Variants in NT5DC1 observed in about 807,000 individuals in gnomAD.
The protein encoded by NT5DC1 is 5'-nucleotidase domain containing 1.
NT5DC1 carries 42 observed loss-of-function variants against 59.4 expected under a neutral mutation model. The ratio of observed to expected loss-of-function variants is 0.71; its 90% confidence interval spans 0.55 to 0.92. The LOEUF is 0.92. Ranked by LOEUF, NT5DC1 falls within the 40% of genes least tolerant of loss-of-function variation. The pLI, the probability that NT5DC1 is intolerant of heterozygous loss-of-function variation, is 0.00. For synonymous variants in NT5DC1, 172 were observed against 188.1 expected, an observed-to-expected ratio of 0.91 and a Z score of 0.70; for missense variants, 501 against 537.1, an observed-to-expected ratio of 0.93 and a Z score of 0.66.
intron 3 of NT5DC1, among the ~76,000 whole-genome samples, chr6:116,108,974 A>T (rs1778814648): frequency 6.6e-6 from 1 of 152,134 alleles, no homozygotes; most frequent in African/African-American, 2.4e-5. Flanking sequence ...CCCACACTCC[A>T]GGCTGACTTT....
At chr6:116,172,510 C>T (rs1780633939) in intron 6 of NT5DC1, among the ~76,000 whole-genome samples, 1 of 151,774 alleles carries the variant, frequency 6.6e-6, no homozygotes, top group Non-Finnish European at 1.5e-5. Context: ...TGAGTAGAGA[C>T]AGGGTTTCAC....
rs530747402 is a variant in NT5DC1, at chr6:116,110,797, A to G, written c.258-53A>G. The G allele has an allele frequency of 3.5e-4, 414 of 1,191,932 alleles. 7 individuals carry two copies. The South Asian group carries it at 4.6e-3, about 13-fold the overall frequency. The allele number at this position is 1,191,932 out of a possible 1,614,324, so 73.8% of individuals were successfully genotyped here. On this transcript the variant is annotated intron_variant, in intron 3 of 11. Transcript: ENST00000319550. Reference sequence around the variant, plus strand: ...GATCAACAGTCACAATGATAGAGGAAGGGGCATTCAAGGAACCATTAATGA... The same window carrying G: ...GATCAACAGTCACAATGATAGAGGAGGGGGCATTCAAGGAACCATTAATGA...
chr6:116,129,947 A>G (rs1009192389), intron 6 of NT5DC1, among the ~76,000 whole-genome samples: 2 of 152,182 alleles, frequency 1.3e-5, no homozygotes, highest in African/African-American at 4.8e-5. Flanking sequence ...CAGCACACAC[A>G]AATACATTTT....
In NT5DC1 at chr6:116,120,767, G is replaced by T. The variant is rs374996283; in HGVS notation, c.529+2822G>T. 4.1e-5 allele frequency: 66 copies of T among 1,612,686 alleles called. No homozygotes were observed. Among genetic ancestry groups the T allele is most frequent in the Non-Finnish European group, 5.2e-5 (61 of 1,179,586 alleles). On this transcript the variant is annotated intron_variant, in intron 6 of 11. Transcript: ENST00000319550. ...GCCTGGTGGCCCAATAGGGCCTCTA[G>T]TACCTGGTATTCCAGGGGCACCTCT...
chr6:116,152,057 C>T (rs1386671403), intron 6 of NT5DC1, among the ~76,000 whole-genome samples: 4 of 152,154 alleles, frequency 2.6e-5, no homozygotes, highest in South Asian at 2.1e-4. Context: ...TACATTCTTC[C>T]TTACAAAGCA....
At chr6:116,118,055 T>C in intron 6 of NT5DC1, 110 bp downstream of exon 6, 1 of 714,490 alleles carries the variant, frequency 1.4e-6, no homozygotes, top group South Asian at 1.6e-5. Flanking sequence ...AGGATTTAAT[T>C]TAAGCTTAAA....
In NT5DC1 at chr6:116,213,058, T is replaced by G. The variant is rs1280788270; in HGVS notation, c.530-7996T>G. 2.6e-5 allele frequency among the ~76,000 whole-genome samples: 4 copies of G among 152,142 alleles called. No individual in the cohort carries two copies. In the East Asian group the frequency reaches 7.7e-4, roughly 29 times the overall value. On this transcript the variant is annotated intron_variant, in intron 6 of 11. Coordinates refer to ENST00000319550, the MANE Select transcript of NT5DC1 (RefSeq NM_152729.3). ...TCTTGAATTGCATAGAGATAATAAT[T>G]AAAATTGGGACTTTATTCCAAAGCA...
intron 6 of NT5DC1, among the ~76,000 whole-genome samples, chr6:116,157,925 C>T (rs537238133): frequency 2.6e-5 from 4 of 152,280 alleles, no homozygotes; most frequent in South Asian, 2.1e-4. Flanking sequence ...ATGTCTCAAA[C>T]GTGTTACAGG....
chr6:116,241,828 C>CAGG (rs1332142745), intron 11 of NT5DC1, among the ~76,000 whole-genome samples: 1 of 147,916 alleles, frequency 6.8e-6, no homozygotes, highest in Non-Finnish European at 1.5e-5. Context: ...GAGGCCGAGG[C>CAGG]AGGAGAATGG....
At chr6:116,210,582 T>A (rs1008427706) in intron 6 of NT5DC1, among the ~76,000 whole-genome samples, 1 of 151,960 alleles carries the variant, frequency 6.6e-6, no homozygotes, top group Admixed American at 6.6e-5. Flanking sequence ...ATAGGACCTG[T>A]TCCTGGGGTC....
chr6:116,150,735 A>T (rs192879249), intron 6 of NT5DC1, among the ~76,000 whole-genome samples: 2 of 152,180 alleles, frequency 1.3e-5, no homozygotes, highest in African/African-American at 2.4e-5. Context: ...GTTGTTTGCT[A>T]TTATTGCTGT....
chr6:116,204,927 T>C (rs1562163746), intron 6 of NT5DC1, among the ~76,000 whole-genome samples: 1 of 151,930 alleles, frequency 6.6e-6, no homozygotes, highest in Non-Finnish European at 1.5e-5. Flanking sequence ...GGAAAGCAAA[T>C]TGCACAAAAT....
intron 6 of NT5DC1, among the ~76,000 whole-genome samples, chr6:116,182,977 CTG>C (rs1222412952): frequency 6.6e-6 from 1 of 151,972 alleles, no homozygotes; most frequent in Non-Finnish European, 1.5e-5. Flanking sequence ...GGTTTTTCCA[CTG>C]TGCTTTTCTA....
intron 6 of NT5DC1, chr6:116,158,760 C>A (rs1239057301): frequency 6.6e-6 from 1 of 152,210 alleles, no homozygotes; most frequent in Non-Finnish European, 1.5e-5. Flanking sequence ...TCCACTACTT[C>A]CCGAGCTTTT....
intron 6 of NT5DC1, among the ~76,000 whole-genome samples, chr6:116,154,885 TATC>T (rs1445029312): frequency 6.6e-6 from 1 of 152,206 alleles, no homozygotes; most frequent in African/African-American, 2.4e-5. Context: ...ATTGTTTTAA[TATC>T]ATTTTTCTTC....
intron 6 of NT5DC1, among the ~76,000 whole-genome samples, chr6:116,134,315 ACG>A (rs746911015): frequency 6.6e-6 from 1 of 152,264 alleles, no homozygotes; most frequent in East Asian, 1.9e-4. Context: ...ATGGAGATAA[ACG>A]CCAGACACCA....
At chr6:116,167,746 G>A (rs573539023) in intron 6 of NT5DC1, among the ~76,000 whole-genome samples, 14 of 152,216 alleles carry the variant, frequency 9.2e-5, no homozygotes, top group East Asian at 3.9e-4. Context: ...GCCCATGACC[G>A]TTGTTGGATA....
intron 6 of NT5DC1, among the ~76,000 whole-genome samples, chr6:116,135,274 A>G (rs1399796881): frequency 2.0e-5 from 3 of 152,196 alleles, no homozygotes; most frequent in Non-Finnish European, 4.4e-5. Flanking sequence ...ATATTTTAGA[A>G]CATTCAAGTT....
intron 6 of NT5DC1, among the ~76,000 whole-genome samples, chr6:116,218,823 G>A (rs1004668278): frequency 6.7e-6 from 1 of 148,972 alleles, no homozygotes; most frequent in Admixed American, 6.6e-5. Context: ...TTTTGGTCTG[G>A]TTATGATATT....
Sources: allele counts gnomAD v4.1 joint callset (sites outside exome capture counted in the v4.1 genomes callset), GRCh38; gene constraint gnomAD v4.1.1; transcripts MANE v1.5; gene names NCBI Gene and HGNC (gene_info 2026-07-23, HGNC 2026-07-21).